The following TNKS variants were observed in gnomAD, a reference collection of about 807,000 sequenced individuals.
TNKS encodes poly [ADP-ribose] polymerase tankyrase-1.
TNKS carries 72 observed loss-of-function variants against 135.8 expected under a neutral mutation model. That is an observed-to-expected ratio of 0.53 (90% confidence interval 0.44 to 0.64). TNKS has a LOEUF of 0.64. Ranked by LOEUF, TNKS falls within the 30% of genes least tolerant of loss-of-function variation. The pLI, the probability that TNKS is intolerant of heterozygous loss-of-function variation, is 0.00. For missense variants in TNKS, 1,769 were observed against 1,674.0 expected, an observed-to-expected ratio of 1.06 and a Z score of -0.99; for synonymous variants, 849 against 649.3, an observed-to-expected ratio of 1.31 and a Z score of -4.68.
In TNKS at chr8:9,764,677, C is replaced by T. The variant is rs376770173; in HGVS notation, c.3373-39C>T. 4.7e-6 allele frequency: 7 copies of T among 1,495,670 alleles called. No individual in the cohort carries two copies. In the African/African-American group the frequency reaches 9.9e-5, roughly 21 times the overall value. The allele number at this position is 1,495,670 out of a possible 1,614,324, so 92.6% of individuals were successfully genotyped here. On this transcript the variant is annotated intron_variant, in intron 22 of 26. Transcript: ENST00000310430. ...ACTCATCATTGTCTAGAATTACACACTGGGATGTTTTTATAAAATTAGTTA... is the reference window on the plus strand; with the variant it reads ...ACTCATCATTGTCTAGAATTACACATTGGGATGTTTTTATAAAATTAGTTA...
chr8:9,718,391 T>C (rs553079773), intron 11 of TNKS, among the ~76,000 whole-genome samples: 2 of 152,242 alleles, frequency 1.3e-5, no homozygotes, highest in South Asian at 4.1e-4. Context: ...TAGCTTTAAG[T>C]TTAGGAGAAG....
chr8:9,731,808 G>A (rs1334423638), intron 14 of TNKS, among the ~76,000 whole-genome samples: 2 of 152,046 alleles, frequency 1.3e-5, no homozygotes, highest in Non-Finnish European at 2.9e-5. Flanking sequence ...TTGTTTTTGA[G>A]ACAGAGTCTC....
intron 2 of TNKS, among the ~76,000 whole-genome samples, chr8:9,589,203 A>G (rs1425992120): frequency 6.6e-6 from 1 of 152,198 alleles, no homozygotes; most frequent in East Asian, 1.9e-4. Context: ...AATAAATGTA[A>G]TCAGAAAGTA....
At chr8:9,689,576 C>T (rs1475743496) in intron 5 of TNKS, among the ~76,000 whole-genome samples, 1 of 152,186 alleles carries the variant, frequency 6.6e-6, no homozygotes, top group Non-Finnish European at 1.5e-5. Flanking sequence ...AAATAATCTA[C>T]TTTCAGACAG....
At chr8:9,710,852 C>T (rs917536915) in intron 11 of TNKS, among the ~76,000 whole-genome samples, 4 of 151,888 alleles carry the variant, frequency 2.6e-5, no homozygotes, top group African/African-American at 4.8e-5. Flanking sequence ...GCTGAGATTG[C>T]GCCACTACAC....
intron 3 of TNKS, among the ~76,000 whole-genome samples, chr8:9,666,243 A>T (rs760395686): frequency 6.6e-6 from 1 of 152,226 alleles, no homozygotes; most frequent in Non-Finnish European, 1.5e-5. Flanking sequence ...TGGATATAGT[A>T]GGGTAAATAA....
intron 2 of TNKS, among the ~76,000 whole-genome samples, chr8:9,592,861 A>G (rs1398280879): frequency 6.6e-6 from 1 of 152,226 alleles, no homozygotes; most frequent in Non-Finnish European, 1.5e-5. Flanking sequence ...AACTTGCAGT[A>G]TGTCAGACAC....
chr8:9,660,744 A>C (rs1801664627), intron 3 of TNKS, among the ~76,000 whole-genome samples: 1 of 152,206 alleles, frequency 6.6e-6, no homozygotes, highest in Non-Finnish European at 1.5e-5. Flanking sequence ...CAGGGCAATC[A>C]GGCAGGAGAA....
chr8:9,652,254 G>A (rs1801174119), intron 3 of TNKS, among the ~76,000 whole-genome samples: 1 of 152,088 alleles, frequency 6.6e-6, no homozygotes, highest in Non-Finnish European at 1.5e-5. Context: ...ATGAGGAAGT[G>A]GATATTTACT....
chr8:9,745,203 G>C (rs1348359036), intron 17 of TNKS, among the ~76,000 whole-genome samples: 1 of 151,966 alleles, frequency 6.6e-6, no homozygotes, highest in Non-Finnish European at 1.5e-5. Context: ...TACTAGGTTT[G>C]GTTTTGTTTT....
At chr8:9,710,454 T>C in intron 11 of TNKS, 2 of 585,034 alleles carry the variant, frequency 3.4e-6, no homozygotes, top group Non-Finnish European at 6.1e-6. Flanking sequence ...CAACAAAATA[T>C]AGCTATAGTC....
chr8:9,735,680 G>A (rs1396767646), intron 17 of TNKS, among the ~76,000 whole-genome samples, 194 bp downstream of exon 17: 1 of 151,916 alleles, frequency 6.6e-6, no homozygotes, highest in Non-Finnish European at 1.5e-5. Flanking sequence ...GGCACCTGTA[G>A]TCCCAGCTAC....
chr8:9,648,192 C>G (rs530791741), intron 3 of TNKS, among the ~76,000 whole-genome samples: 1 of 152,208 alleles, frequency 6.6e-6, no homozygotes, highest in South Asian at 2.1e-4. Context: ...ACACTGTATG[C>G]TTAGGCTACA....
chr8:9,657,903 A>G (rs1197010207), intron 3 of TNKS, among the ~76,000 whole-genome samples: 2 of 117,144 alleles, frequency 1.7e-5, no homozygotes, highest in Non-Finnish European at 3.6e-5. Flanking sequence ...TGCCAGGCAG[A>G]GGGTCTCCTC....
chr8:9,656,706 A>AAG (rs776535433), intron 3 of TNKS, among the ~76,000 whole-genome samples: 8 of 149,584 alleles, frequency 5.3e-5, no homozygotes, highest in Admixed American at 2.7e-4. Context: ...TAGTGGAGGG[A>AAG]AGGTCAGCAG....
intron 13 of TNKS, among the ~76,000 whole-genome samples, chr8:9,727,502 C>T (rs1343350654): frequency 6.6e-6 from 1 of 152,130 alleles, no homozygotes; most frequent in Non-Finnish European, 1.5e-5. Context: ...TCCTGGGGCT[C>T]AAGCAATCCT....
chr8:9,731,998 A>G (rs977662942), intron 14 of TNKS, among the ~76,000 whole-genome samples: 1 of 152,174 alleles, frequency 6.6e-6, no homozygotes, highest in Non-Finnish European at 1.5e-5. Context: ...TGTGTTAGCC[A>G]GGATGGTCTC....
intron 5 of TNKS, among the ~76,000 whole-genome samples, chr8:9,700,496 G>T (rs1041182904): frequency 1.3e-5 from 2 of 152,112 alleles, no homozygotes; most frequent in African/African-American, 4.8e-5. Flanking sequence ...AGTGCCATAC[G>T]TGTAAGTCTC....
Position 9,556,267 on chromosome 8 carries a change from A to G in TNKS, c.328A>G (p.Thr110Ala), listed in dbSNP as rs746051619. Residue 110 changes from threonine to alanine, a missense_variant, in exon 1 of 27, where the codon ACT becomes GCT. By Grantham distance (58) the Thr-to-Ala change is moderately conservative. Transcript: ENST00000310430. ...CGCTCCCGTGGTCCCAGCGGTTTCT[A>G]CTTCATCTGCCGCTGGGGTCGCTCC... The part of the protein sequence containing the change: ...AAAPVVPAVS[T>A]SSAAGVAPNP... 6.2e-7 allele frequency: 1 copy of G among 1,614,220 alleles called. No individual in the cohort carries two copies. The highest frequency in any genetic ancestry group is 2.2e-5 in the East Asian group (1 of 44,874).
Sources: gnomAD v4.1 joint callset for allele counts (sites outside exome capture counted in the v4.1 genomes callset) on GRCh38, gnomAD v4.1.1 for gene constraint, MANE v1.5 for transcripts, NCBI Gene and HGNC (gene_info 2026-07-23, HGNC 2026-07-21) for gene names.